Variants in STK24 observed in about 807,000 individuals in gnomAD.
The protein encoded by STK24 is serine/threonine-protein kinase 24.
A neutral mutation model predicts 55.6 loss-of-function variants in STK24; 21 were observed. The ratio of observed to expected loss-of-function variants is 0.38; its 90% confidence interval spans 0.27 to 0.54. STK24 has a LOEUF of 0.54. Among genes scored for constraint, STK24 ranks in the 20% least tolerant of loss-of-function variants. STK24 has a pLI of 0.79. For missense variants in STK24, 383 were observed against 538.4 expected, an observed-to-expected ratio of 0.71 and a Z score of 2.86; for synonymous variants, 200 against 215.2, an observed-to-expected ratio of 0.93 and a Z score of 0.62.
In STK24 at chr13:98,461,994, C is replaced by T. The variant is rs945077411; in HGVS notation, c.930-97G>A. ...GGAGGCCGCCTGGGGACCTCTAAAC[C>T]CACACCCACCAGCCCCAAGTCCCCA... On this transcript the variant is annotated intron_variant, in intron 7 of 10. Coordinates refer to ENST00000539966, the MANE Select transcript of STK24 (RefSeq NM_001032296.4). 9 of 1,492,312 alleles carry T rather than the reference C, an allele frequency of 6.0e-6. No homozygotes were observed. The African/African-American group carries it at 1.2e-4, about 21-fold the overall frequency. The allele number at this position is 1,492,312 out of a possible 1,614,324, so 92.4% of individuals were successfully genotyped here. A position where few individuals can be genotyped will look rare whatever the true frequency, so the allele number is the denominator to read the frequency against.
rs553953830 is a variant in STK24, at chr13:98,448,499, C to A, written c.*4674G>T. 1 of 590,338 alleles carries A rather than the reference C, an allele frequency of 1.7e-6. No individual in the cohort carries two copies. The allele number at this position is 590,338 out of a possible 1,614,324, so 36.6% of individuals were successfully genotyped here. On this transcript the variant is annotated 3_prime_UTR_variant, in exon 11 of 11. Coordinates refer to ENST00000539966, the MANE Select transcript of STK24 (RefSeq NM_001032296.4). ...GACCTCTCAGCGTCTGAATGAACAG[C>A]GCTCCCACCTCCAGTCCTGGCATCC...
intron 1 of STK24, chr13:98,576,348 A>C: frequency 4.6e-6 from 2 of 437,974 alleles, no homozygotes; most frequent in Non-Finnish European, 6.1e-6. Flanking sequence ...CCCTCCGCCA[A>C]CCCGGCCACC....
At chr13:98,457,008 A>T in intron 10 of STK24, 160 bp downstream of exon 10, 1 of 877,710 alleles carries the variant, frequency 1.1e-6, no homozygotes, top group Non-Finnish European at 1.7e-6. Flanking sequence ...GATTTCTAGA[A>T]TTCAGAACAA....
At chr13:98,555,830 G>A (rs1361062038) in intron 1 of STK24, among the ~76,000 whole-genome samples, 9 of 150,652 alleles carry the variant, frequency 6.0e-5, no homozygotes, top group East Asian at 2.0e-4. Flanking sequence ...ACAGGTGCCC[G>A]CCACCACACC....
At chr13:98,476,930 A>G (rs1894398998) in intron 3 of STK24, among the ~76,000 whole-genome samples, 1 of 152,244 alleles carries the variant, frequency 6.6e-6, no homozygotes, top group Non-Finnish European at 1.5e-5. Flanking sequence ...ACCCAGGTGC[A>G]GAGAATGCAC....
chr13:98,516,154 G>A (rs1896049348), intron 2 of STK24, among the ~76,000 whole-genome samples: 1 of 152,184 alleles, frequency 6.6e-6, no homozygotes, highest in African/African-American at 2.4e-5. Flanking sequence ...TTACAGGTCT[G>A]GATTCTTCTC....
intron 10 of STK24, chr13:98,456,640 G>C (rs1375173377): frequency 2.2e-6 from 1 of 444,660 alleles, no homozygotes; most frequent in Non-Finnish European, 4.7e-6. Flanking sequence ...TCAACAGGTG[G>C]GGCCACTGGG....
At chr13:98,526,458 A>G (rs1245827064) in intron 1 of STK24, among the ~76,000 whole-genome samples, 1 of 152,124 alleles carries the variant, frequency 6.6e-6, no homozygotes, top group Non-Finnish European at 1.5e-5. Flanking sequence ...TTTACAGATG[A>G]GCAAACTGAG....
At chr13:98,521,799 A>C (rs774182056) in intron 1 of STK24, 4 of 781,260 alleles carry the variant, frequency 5.1e-6, no homozygotes, top group Non-Finnish European at 9.6e-6. Flanking sequence ...GATGAGGTAG[A>C]GTGGCCCTCC....
intron 2 of STK24, among the ~76,000 whole-genome samples, chr13:98,508,483 G>A (rs1190340235): frequency 6.6e-6 from 1 of 152,182 alleles, no homozygotes; most frequent in East Asian, 1.9e-4. Flanking sequence ...AGAAAAGAAT[G>A]CCAATTTAAA....
At chr13:98,487,865 A>G (rs1334269420) in intron 2 of STK24, among the ~76,000 whole-genome samples, 1 of 152,222 alleles carries the variant, frequency 6.6e-6, no homozygotes, top group Non-Finnish European at 1.5e-5. Context: ...TTTAACAGAT[A>G]CTGACAAGTG....
chr13:98,526,772 G>A (rs1262965897), intron 1 of STK24, among the ~76,000 whole-genome samples: 2 of 152,182 alleles, frequency 1.3e-5, no homozygotes, highest in Admixed American at 6.5e-5. Flanking sequence ...TCCTGGCCAA[G>A]ACTTGGGAAA....
chr13:98,504,801 G>C (rs1382275579), intron 2 of STK24, among the ~76,000 whole-genome samples: 2 of 152,164 alleles, frequency 1.3e-5, no homozygotes, highest in Non-Finnish European at 2.9e-5. Context: ...TGGAAGCAGA[G>C]AAACAACAGC....
intron 2 of STK24, 52 bp downstream of exon 2, chr13:98,519,191 G>T: frequency 1.4e-6 from 2 of 1,454,622 alleles, no homozygotes; most frequent in South Asian, 1.2e-5. Context: ...TTCCCTGCTG[G>T]CACCTCAGCC....
chr13:98,520,268 T>A (rs1232414372), intron 1 of STK24, among the ~76,000 whole-genome samples: 2 of 152,144 alleles, frequency 1.3e-5, no homozygotes, highest in Non-Finnish European at 2.9e-5. Flanking sequence ...TCCCGATGTT[T>A]AGCAAGGCAA....
intron 3 of STK24, among the ~76,000 whole-genome samples, chr13:98,476,038 A>ATT (rs1894360023): frequency 6.6e-6 from 1 of 151,454 alleles, no homozygotes; most frequent in Admixed American, 6.6e-5. Context: ...ATTATATAAT[A>ATT]ATAATAACTA....
intron 2 of STK24, among the ~76,000 whole-genome samples, chr13:98,513,193 C>A (rs551950154): frequency 3.9e-5 from 6 of 152,362 alleles, no homozygotes; most frequent in Admixed American, 2.6e-4. Context: ...AAAGCCTGCA[C>A]TGGGTCCTGC....
intron 2 of STK24, among the ~76,000 whole-genome samples, chr13:98,482,798 G>C (rs115389843): frequency 0.011 from 1,677 of 152,276 alleles, 29 homozygotes; most frequent in African/African-American, 0.037. Context: ...CCTACCGTGT[G>C]TCTCCAGGTC....
chr13:98,531,596 T>C (rs1030382925), intron 1 of STK24, among the ~76,000 whole-genome samples: 4 of 152,126 alleles, frequency 2.6e-5, no homozygotes, highest in African/African-American at 9.7e-5. Flanking sequence ...CGGAGAAACA[T>C]CAAGCTCCTG....
Sources: gnomAD v4.1 joint callset for allele counts (sites outside exome capture counted in the v4.1 genomes callset) on GRCh38, gnomAD v4.1.1 for gene constraint, MANE v1.5 for transcripts, NCBI Gene and HGNC (gene_info 2026-07-23, HGNC 2026-07-21) for gene names.